Variants in BANP observed in about 807,000 individuals in gnomAD.
BANP encodes protein BANP.
In BANP, 11 loss-of-function variants were observed where a neutral mutation model predicts 68.1. The ratio of observed to expected loss-of-function variants is 0.16; its 90% CI spans 0.10 to 0.27. BANP has a LOEUF of 0.27. Among genes scored for constraint, BANP ranks in the 10% least tolerant of loss-of-function variants. The pLI, the probability that BANP is intolerant of heterozygous loss-of-function variation, is 1.00. For missense variants in BANP, 504 were observed against 722.7 expected (o/e 0.70, Z 3.47); for synonymous variants, 329 against 303.2 (o/e 1.09, Z -0.88).
chr16:88,067,813 A>G (rs1034105627), intron 12 of BANP, among the ~76,000 whole-genome samples: 23 of 152,036 alleles, frequency 1.5e-4, no homozygotes, highest in African/African-American at 5.1e-4. Flanking sequence ...CAACCTGTCA[A>G]TCTCCCCACT....
intron 4 of BANP, among the ~76,000 whole-genome samples, chr16:87,988,062 A>G (rs1399958876): frequency 6.6e-6 from 1 of 152,226 alleles, no homozygotes; most frequent in African/African-American, 2.4e-5. Context: ...GTAGGGGAGA[A>G]ATAACAGATA....
At chr16:88,014,204 A>C (rs1328453474) in intron 6 of BANP, among the ~76,000 whole-genome samples, 1 of 152,172 alleles carries the variant, frequency 6.6e-6, no homozygotes. Context: ...CCTGCAGTGC[A>C]GGAGGAGTCA....
chr16:87,951,904 C>T (rs376893905), intron 1 of BANP, among the ~76,000 whole-genome samples: 130 of 152,268 alleles, frequency 8.5e-4, no homozygotes, highest in African/African-American at 3.0e-3. Flanking sequence ...TCCTCTGGGG[C>T]CCGAAGTCTC....
Position 88,041,345 on chromosome 16 carries a change from C to T in BANP, c.1311+3334C>T, listed in dbSNP as rs144685734. Among the ~76,000 whole-genome samples the T allele has an allele frequency of 2.6e-3, 390 of 152,316 alleles. 1 individual carries two copies. Among genetic ancestry groups the T allele is most frequent in the African/African-American group, 8.7e-3 (361 of 41,570 alleles). On this transcript the variant is annotated intron_variant, in intron 11 of 13. Transcript: ENST00000682872. ...AGTTCCAGGAGGGCCTTGGTGGCTG[C>T]GGTGCTGGGAAGCGCCATTGTGCTG...
intron 1 of BANP, among the ~76,000 whole-genome samples, chr16:87,973,536 G>T (rs11117325): frequency 2.0e-5 from 3 of 151,788 alleles, no homozygotes; most frequent in East Asian, 1.9e-4. Context: ...CGAGGCATGC[G>T]GATCACCTGA....
Position 88,057,798 on chromosome 16 carries a change from G to A in BANP, c.1312-7469G>A, listed in dbSNP as rs1277934646. Among the ~76,000 whole-genome samples, 2 of 151,456 alleles carry A rather than the reference G, an allele frequency of 1.3e-5. No homozygotes were observed. Among genetic ancestry groups the A allele is most frequent in the Non-Finnish European group, 2.9e-5 (2 of 67,934 alleles). Reference sequence around the variant, plus strand: ...AGTGACTCGCGCTGGCCCTGTCCCCGCACCCTGGACTCCAGGGCAAGTGGT... The same window carrying A: ...AGTGACTCGCGCTGGCCCTGTCCCCACACCCTGGACTCCAGGGCAAGTGGT... On this transcript the variant is annotated intron_variant, in intron 11 of 13. Coordinates refer to ENST00000682872, the MANE Select transcript of BANP (RefSeq NM_001386991.1). This position sits in a 1 kb window ranked among gnomAD's most constrained non-coding sequence, Gnocchi z 4.6.
At chr16:88,024,239 T>G (rs184425521) in intron 7 of BANP, among the ~76,000 whole-genome samples, 38 of 152,260 alleles carry the variant, frequency 2.5e-4, no homozygotes, top group African/African-American at 9.1e-4. Context: ...GGCCGCTGCT[T>G]CTTCACCTGG....
Position 87,984,066 on chromosome 16 carries a change from C to G in BANP, c.169C>G (p.Leu57Val). The G allele has an allele frequency of 6.2e-7, 1 of 1,613,966 alleles. No individual in the cohort carries two copies. Among genetic ancestry groups the G allele is most frequent in the Non-Finnish European group, 8.5e-7 (1 of 1,179,922 alleles). ...NCQDPSIKSF[L>V]YSINQTICLR... The stretch of plus-strand genomic sequence containing the variant: ...GGTCTTTTTTCACTTCCAGTCATTC[C>G]TGTATTCCATCAACCAGACAATCTG... The change falls in exon 4 of 14, where the codon CTG (leucine) becomes GTG (valine). Residue 57 changes from leucine (L) to valine (V), a missense_variant. Transcript: ENST00000682872.
intron 12 of BANP, among the ~76,000 whole-genome samples, chr16:88,069,518 C>T (rs958430321): frequency 6.6e-6 from 1 of 152,184 alleles, no homozygotes; most frequent in African/African-American, 2.4e-5. Flanking sequence ...AATCGTGCTG[C>T]TCCGCTATGG....
chr16:88,027,720 G>A, intron 8 of BANP, 70 bp downstream of exon 8: 3 of 1,568,548 alleles, frequency 1.9e-6, no homozygotes, highest in Non-Finnish European at 2.6e-6. Context: ...CACCCTCAGG[G>A]GCAGCCAGTG....
In BANP at chr16:87,957,566, G is replaced by C. The variant is rs961494139; in HGVS notation, c.-69+6051G>C. Among the ~76,000 whole-genome samples the C allele has an allele frequency of 2.0e-5, 3 of 152,242 alleles. No individual in the cohort carries two copies. Among genetic ancestry groups the C allele is most frequent in the Non-Finnish European group, 4.4e-5 (3 of 68,044 alleles). Reference sequence around the variant, plus strand: ...CTGACAAACCTTTCGCTAGTGACCAGTTACCTTCTGTGTCTGAGAGAAGGC... The same window carrying C: ...CTGACAAACCTTTCGCTAGTGACCACTTACCTTCTGTGTCTGAGAGAAGGC... On this transcript the variant is annotated intron_variant, in intron 1 of 13. Transcript: ENST00000682872. This position sits in a 1 kb window ranked among gnomAD's most constrained non-coding sequence, Gnocchi z 4.3.
intron 11 of BANP, among the ~76,000 whole-genome samples, chr16:88,060,733 C>A (rs570302220): frequency 2.6e-5 from 4 of 152,056 alleles, no homozygotes; most frequent in African/African-American, 9.7e-5. Flanking sequence ...GCAGCCCGGC[C>A]GGGCTCCCCG....
Position 87,957,978 on chromosome 16 carries a change from C to G in BANP, c.-69+6463C>G, listed in dbSNP as rs6540123. Among the ~76,000 whole-genome samples, 101,955 of 151,974 alleles carry G rather than the reference C, an allele frequency of 0.67. 35,096 individuals are homozygous for G. Among genetic ancestry groups the G allele is most frequent in the African/African-American group, 0.8 (33,328 of 41,458 alleles). On this transcript the variant is annotated intron_variant, in intron 1 of 13. Coordinates refer to ENST00000682872, the MANE Select transcript of BANP (RefSeq NM_001386991.1). The surrounding 1 kb of genome is among the most constrained non-coding windows in gnomAD (Gnocchi z 4.3). ...TGCTGCCGCTGCCAGTCTGCGTTTTCTGCCGAAATGCGTCCCTGAGATTGA... is the reference window on the plus strand; with the variant it reads ...TGCTGCCGCTGCCAGTCTGCGTTTTGTGCCGAAATGCGTCCCTGAGATTGA...
Position 88,018,742 on chromosome 16 carries a change from C to T in BANP, c.895+75C>T. On this transcript the variant is annotated intron_variant, in intron 7 of 13. Coordinates refer to ENST00000682872, the MANE Select transcript of BANP (RefSeq NM_001386991.1). This position sits in a 1 kb window ranked among gnomAD's most constrained non-coding sequence, Gnocchi z 7.7. Reference sequence around the variant, plus strand: ...AGGACCCACATTTCAATGCTGAGGACGCTGGCATCAGTAGCACCGGCACGG... The same window carrying T: ...AGGACCCACATTTCAATGCTGAGGATGCTGGCATCAGTAGCACCGGCACGG... The T allele has an allele frequency of 6.1e-6, 9 of 1,484,844 alleles. No homozygotes were observed. The highest frequency in any genetic ancestry group is 8.1e-6 in the Non-Finnish European group (9 of 1,107,830). The allele number at this position is 1,484,844 out of a possible 1,614,324, so 92.0% of individuals were successfully genotyped here.
rs2087981927 is a variant in BANP, at chr16:88,064,706, T to C, written c.1312-561T>C. Among the ~76,000 whole-genome samples the C allele has an allele frequency of 6.6e-6, 1 of 152,180 alleles. No homozygotes were observed. ...GACACAAGAGGCTCCTGTGGAGCTCTCATGGCTGGCAGTGCCAGATGGGAG... is the reference window on the plus strand; with the variant it reads ...GACACAAGAGGCTCCTGTGGAGCTCCCATGGCTGGCAGTGCCAGATGGGAG... On this transcript the variant is annotated intron_variant, in intron 11 of 13. Coordinates refer to ENST00000682872, the MANE Select transcript of BANP (RefSeq NM_001386991.1). This position sits in a 1 kb window ranked among gnomAD's most constrained non-coding sequence, Gnocchi z 4.5.
chr16:88,008,202 C>G (rs1482469163), intron 6 of BANP, among the ~76,000 whole-genome samples: 1 of 152,158 alleles, frequency 6.6e-6, no homozygotes, highest in Non-Finnish European at 1.5e-5. Flanking sequence ...GGATGGCCCT[C>G]ATTCTGTTGA....
intron 2 of BANP, among the ~76,000 whole-genome samples, chr16:87,979,140 C>T (rs548894358): frequency 2.6e-5 from 4 of 152,110 alleles, no homozygotes; most frequent in Non-Finnish European, 5.9e-5. Flanking sequence ...GAGGAATCAT[C>T]TAGTGTGTAC....
rs151097850 is a variant in BANP, at chr16:88,008,090, T to C, written c.655+1825T>C. Among the ~76,000 whole-genome samples, 70 of 152,290 alleles carry C rather than the reference T, an allele frequency of 4.6e-4. No individual in the cohort carries two copies. The East Asian group carries it at 0.012, about 26-fold the overall frequency. On this transcript the variant is annotated intron_variant, in intron 6 of 13. Transcript: ENST00000682872. ...ATCTCCGTCCTCGTGGATGTGCCTGTTGTGGACCTTGACTCTAAATGGAAT... is the reference window on the plus strand; with the variant it reads ...ATCTCCGTCCTCGTGGATGTGCCTGCTGTGGACCTTGACTCTAAATGGAAT...
At position 88,016,765 on chromosome 16, in the gene BANP, G is replaced by A. The variant is rs182298488; in HGVS notation, c.656-1663G>A. ...AGGTGGAATGTAATAGTGGCCGACC[G>A]ACGGATGTTCTGAAAAAATGCACGT... On this transcript the variant is annotated intron_variant, in intron 6 of 13. Transcript: ENST00000682872. 2.0e-4 allele frequency among the ~76,000 whole-genome samples: 31 copies of A among 152,308 alleles called. No individual in the cohort carries two copies. In the East Asian group the frequency reaches 5.8e-3, roughly 28 times the overall value.
Sources: gnomAD v4.1 joint callset for allele counts (sites outside exome capture counted in the v4.1 genomes callset) on GRCh38, gnomAD v4.1.1 for gene constraint, Gnocchi (gnomAD v3.1) non-coding constraint, MANE v1.5 for transcripts, NCBI Gene and HGNC (gene_info 2026-07-23, HGNC 2026-07-21) for gene names.